ANKRD31: variants seen among roughly 807,000 people sequenced by gnomAD.
ANKRD31 encodes the protein ankyrin repeat domain 31.
In ANKRD31, 147 loss-of-function variants were observed where a neutral mutation model predicts 186.0. The ratio of observed to expected loss-of-function variants is 0.79; its 90% CI spans 0.69 to 0.91. The LOEUF (loss-of-function observed/expected upper bound fraction) is 0.91. Ranked by LOEUF, ANKRD31 falls within the 40% of genes least tolerant of loss-of-function variation. ANKRD31 has a pLI of 0.00. For missense variants in ANKRD31, 1,986 were observed against 2,148.8 expected, an observed-to-expected ratio of 0.92 and a Z score of 1.50; for synonymous variants, 673 against 736.4, an observed-to-expected ratio of 0.91 and a Z score of 1.39.
chr5:75,209,649 C>G (rs1489557331), intron 4 of ANKRD31, among the ~76,000 whole-genome samples: 4 of 152,158 alleles, frequency 2.6e-5, no homozygotes, highest in Admixed American at 1.3e-4. Context: ...TGCACTCCAG[C>G]CTGGGTGACA....
chr5:75,225,871 A>C (rs1012239595), intron 2 of ANKRD31, among the ~76,000 whole-genome samples: 2 of 152,168 alleles, frequency 1.3e-5, no homozygotes, highest in Admixed American at 1.3e-4. Context: ...GGGATCACTG[A>C]TTCAATAAGG....
At chr5:75,182,951 G>C (rs1344094323) in intron 10 of ANKRD31, among the ~76,000 whole-genome samples, 1 of 152,144 alleles carries the variant, frequency 6.6e-6, no homozygotes, top group African/African-American at 2.4e-5. Context: ...GTCAGGGGGA[G>C]GAGGTGCTTA....
intron 11 of ANKRD31, among the ~76,000 whole-genome samples, chr5:75,164,681 G>A (rs536521307): frequency 5.3e-5 from 8 of 152,106 alleles, no homozygotes; most frequent in Non-Finnish European, 8.8e-5. Flanking sequence ...CCCTTCCTCC[G>A]TACCTTTTTC....
chr5:75,099,137 T>G, intron 22 of ANKRD31, among the ~76,000 whole-genome samples: 1 of 152,346 alleles, frequency 6.6e-6, no homozygotes, highest in East Asian at 1.9e-4. Flanking sequence ...GTTTTTAGCA[T>G]GAAGTATTGT....
intron 10 of ANKRD31, among the ~76,000 whole-genome samples, chr5:75,176,887 G>A (rs1753849501): frequency 6.6e-6 from 1 of 152,220 alleles, no homozygotes; most frequent in Non-Finnish European, 1.5e-5. Flanking sequence ...GATGGAGAAT[G>A]ACTTTGACGA....
chr5:75,187,033 G>A (rs1459910365), intron 10 of ANKRD31, among the ~76,000 whole-genome samples: 1 of 149,718 alleles, frequency 6.7e-6, no homozygotes, highest in African/African-American at 2.5e-5. Context: ...GTGTGTGTGT[G>A]TGTGTGTGTG....
At chr5:75,187,747 TG>T (rs1419452479) in intron 10 of ANKRD31, among the ~76,000 whole-genome samples, 1 of 152,122 alleles carries the variant, frequency 6.6e-6, no homozygotes, top group Non-Finnish European at 1.5e-5. Flanking sequence ...GGTAAAGTAC[TG>T]GGGGTGCACT....
chr5:75,111,102 G>A (rs1331608807), intron 20 of ANKRD31, among the ~76,000 whole-genome samples: 1 of 151,116 alleles, frequency 6.6e-6, no homozygotes, highest in Non-Finnish European at 1.5e-5. Context: ...CACTAAGAAT[G>A]AAGACTATGA....
rs1754884175 is a variant in ANKRD31 at position 75,188,479 on chromosome 5, TA to T, written c.1564+13del. On this transcript the variant is annotated intron_variant, in intron 10 of 25. Transcript: ENST00000506364. ...CCACTCTTAAGGTAACTGTGGGTGG[TA>T]ATCCTAACTTACCAGCATAACTTGG... The T allele has an allele frequency of 6.5e-6, 10 of 1,531,270 alleles. No individual in the cohort carries two copies. The highest frequency in any genetic ancestry group is 8.7e-6 in the Non-Finnish European group (10 of 1,144,392). The allele number at this position is 1,531,270 out of a possible 1,614,324, so 94.9% of individuals were successfully genotyped here.
chr5:75,203,833 T>C (rs936432646), intron 5 of ANKRD31, among the ~76,000 whole-genome samples: 23 of 152,190 alleles, frequency 1.5e-4, no homozygotes, highest in African/African-American at 5.1e-4. Context: ...ATTATAGCTT[T>C]ATAAACATGA....
chr5:75,189,698 G>A (rs918810090), intron 9 of ANKRD31, among the ~76,000 whole-genome samples: 1 of 152,080 alleles, frequency 6.6e-6, no homozygotes, highest in African/African-American at 2.4e-5. Context: ...CTGATCTTAG[G>A]GGGAAAGCAT....
At chr5:75,230,530 A>G (rs770090014) in intron 2 of ANKRD31, 32 bp downstream of exon 2, 7 of 1,491,228 alleles carry the variant, frequency 4.7e-6, no homozygotes, top group South Asian at 1.2e-5. Context: ...GGGAAACTAA[A>G]GGGACTACTT....
At chr5:75,150,397 T>G (rs1751763021) in intron 12 of ANKRD31, among the ~76,000 whole-genome samples, 1 of 152,034 alleles carries the variant, frequency 6.6e-6, no homozygotes, top group Admixed American at 6.6e-5. Context: ...TTTTATTTAT[T>G]TAAGTGAAAT....
At chr5:75,212,081 C>T (rs571584701) in intron 3 of ANKRD31, among the ~76,000 whole-genome samples, 59 of 152,264 alleles carry the variant, frequency 3.9e-4, no homozygotes, top group South Asian at 3.5e-3. Context: ...TCTTCTCCAA[C>T]GTTTTCTTCT....
chr5:75,165,965 A>T lies in ANKRD31; in HGVS notation c.1707+3014T>A, dbSNP rs562118799. On this transcript the variant is annotated intron_variant, in intron 11 of 25. Coordinates refer to ENST00000506364, the MANE Select transcript of ANKRD31 (RefSeq NM_001372053.1). The stretch of plus-strand genomic sequence containing the variant: ...ATAGACTGGATGTTAAATGGTATAA[A>T]GAAACTTAACTTTTATTAGGTGAAA... 7.2e-5 allele frequency among the ~76,000 whole-genome samples: 11 copies of T among 152,344 alleles called. No individual in the cohort carries two copies. In the South Asian group the frequency reaches 2.3e-3, roughly 32 times the overall value.
At chr5:75,078,435 T>C (rs1474193259) in intron 25 of ANKRD31, among the ~76,000 whole-genome samples, 4 of 152,238 alleles carry the variant, frequency 2.6e-5, no homozygotes, top group Non-Finnish European at 4.4e-5. Context: ...AAAAATAGCC[T>C]ATTTTTTTCT....
intron 24 of ANKRD31, among the ~76,000 whole-genome samples, chr5:75,081,547 C>A (rs972067775): frequency 9.2e-5 from 14 of 152,310 alleles, no homozygotes; most frequent in African/African-American, 3.4e-4. Context: ...ACTAGAAAAT[C>A]TGAGGAACAG....
intron 6 of ANKRD31, among the ~76,000 whole-genome samples, chr5:75,198,858 T>TA (rs1464627683): frequency 6.6e-6 from 1 of 152,176 alleles, no homozygotes; most frequent in Non-Finnish European, 1.5e-5. Context: ...GCCCCTATCT[T>TA]ACAGATATAA....
At chr5:75,140,773 C>A (rs1750994713) in intron 15 of ANKRD31, among the ~76,000 whole-genome samples, 1 of 152,312 alleles carries the variant, frequency 6.6e-6, no homozygotes, top group South Asian at 2.1e-4. Flanking sequence ...CAGCCAATCA[C>A]CAGTGAGGAA....
Sources: allele counts gnomAD v4.1 joint callset (sites outside exome capture counted in the v4.1 genomes callset), GRCh38; gene constraint gnomAD v4.1.1; transcripts MANE v1.5; gene names NCBI Gene and HGNC (gene_info 2026-07-23, HGNC 2026-07-21).